The following BTBD9 variants were observed in gnomAD, a reference collection of about 807,000 sequenced individuals.
The protein encoded by BTBD9 is BTB domain containing 9, also known as BTB/POZ domain-containing protein 9.
In BTBD9, 49 loss-of-function variants were observed where a neutral mutation model predicts 64.3. That is an observed-to-expected ratio of 0.76 (90% confidence interval 0.61 to 0.97). BTBD9 has a LOEUF of 0.97. BTBD9 is among the 50% of genes least tolerant of loss of function. The pLI is 0.00. For missense variants in BTBD9, 598 were observed against 762.1 expected (o/e 0.78, Z 2.53); for synonymous variants, 260 against 274.7 (o/e 0.95, Z 0.53).
intron 6 of BTBD9, among the ~76,000 whole-genome samples, chr6:38,497,125 A>G (rs938272120): frequency 6.6e-6 from 1 of 152,184 alleles, no homozygotes; most frequent in African/African-American, 2.4e-5. Flanking sequence ...CATAAGGTAA[A>G]GGACAAAATT....
In BTBD9 at chr6:38,171,862, A is replaced by ATAAT. The variant is rs1766789225; in HGVS notation, c.*3122_*3123insATTA. ...TTCTACTCTCAAAAAAAAAAAAAAA[A>ATAAT]AAAAAAAAAAAAAAAAAAAATAATA... On this transcript the variant is annotated 3_prime_UTR_variant, in exon 11 of 11. Coordinates refer to ENST00000481247, the MANE Select transcript of BTBD9 (RefSeq NM_001099272.2). 1.3e-5 allele frequency: 1 copy of ATAAT among 78,752 alleles called. No homozygotes were observed. The highest frequency in any genetic ancestry group is 4.9e-5 in the African/African-American group (1 of 20,224). The allele number at this position is 78,752 out of a possible 1,614,324, so 4.9% of individuals were successfully genotyped here.
chr6:38,192,397 C>T (rs1348892181), intron 10 of BTBD9, 122 bp downstream of exon 10: 3 of 856,022 alleles, frequency 3.5e-6, no homozygotes, highest in Middle Eastern at 4.5e-4. Flanking sequence ...TTTCTCCACA[C>T]CAAGCTGTCT....
intron 6 of BTBD9, among the ~76,000 whole-genome samples, chr6:38,418,185 C>A (rs1767758839): frequency 6.6e-6 from 1 of 152,186 alleles, no homozygotes; most frequent in Admixed American, 6.5e-5. Context: ...ATGAGATGAG[C>A]CTTCCAAGAG....
intron 8 of BTBD9, among the ~76,000 whole-genome samples, chr6:38,280,009 A>T (rs953450128): frequency 2.0e-5 from 3 of 148,806 alleles, no homozygotes; most frequent in African/African-American, 7.4e-5. Context: ...ACACAAACAT[A>T]TTTTTTTTTT....
At chr6:38,287,382 C>A (rs1296281458) in intron 8 of BTBD9, among the ~76,000 whole-genome samples, 1 of 151,832 alleles carries the variant, frequency 6.6e-6, no homozygotes, top group Non-Finnish European at 1.5e-5. Flanking sequence ...AGCTTTCAAG[C>A]GATCCGCCCA....
rs896859352 is a variant in BTBD9 at position 38,421,127 on chromosome 6, T to C, written c.1155-76034A>G. Among the ~76,000 whole-genome samples the C allele has an allele frequency of 4.6e-5, 7 of 151,760 alleles. 1 individual carries two copies. Among genetic ancestry groups the C allele is most frequent in the African/African-American group, 1.7e-4 (7 of 41,278 alleles). ...ATCCCAACACTTTGGGAGGCCGAGGTGGATCATTTGAGGTCAGGGGTCCAA... is the reference window on the plus strand; with the variant it reads ...ATCCCAACACTTTGGGAGGCCGAGGCGGATCATTTGAGGTCAGGGGTCCAA... On this transcript the variant is annotated intron_variant, in intron 6 of 10. Coordinates refer to ENST00000481247, the MANE Select transcript of BTBD9 (RefSeq NM_001099272.2).
intron 7 of BTBD9, among the ~76,000 whole-genome samples, chr6:38,341,183 T>C (rs900009787): frequency 1.3e-5 from 2 of 152,216 alleles, no homozygotes; most frequent in Admixed American, 1.3e-4. Context: ...TCTGATTTAC[T>C]CAACCTATAA....
intron 7 of BTBD9, among the ~76,000 whole-genome samples, chr6:38,316,468 T>G (rs1335783569): frequency 6.6e-6 from 1 of 152,180 alleles, no homozygotes; most frequent in African/African-American, 2.4e-5. Flanking sequence ...ATTGTATGTT[T>G]TTAGATTTGA....
intron 7 of BTBD9, among the ~76,000 whole-genome samples, chr6:38,291,304 T>C (rs544772479): frequency 6.6e-6 from 1 of 152,358 alleles, no homozygotes; most frequent in Admixed American, 6.5e-5. Flanking sequence ...TTATCTGTTA[T>C]TGGTGTATAG....
chr6:38,354,248 ACTC>A (rs1282212419), intron 6 of BTBD9, among the ~76,000 whole-genome samples: 1 of 152,122 alleles, frequency 6.6e-6, no homozygotes, highest in Non-Finnish European at 1.5e-5. Flanking sequence ...CTTACTCTAG[ACTC>A]CTGAGAAACT....
chr6:38,534,778 C>T (rs140545562), intron 6 of BTBD9, among the ~76,000 whole-genome samples: 83 of 152,220 alleles, frequency 5.5e-4, no homozygotes, highest in African/African-American at 2.0e-3. Flanking sequence ...ACCATATGAT[C>T]ATCTCAATTG....
intron 7 of BTBD9, among the ~76,000 whole-genome samples, chr6:38,294,294 T>C (rs551456313): frequency 1.2e-3 from 177 of 152,264 alleles, no homozygotes; most frequent in African/African-American, 4.0e-3. Context: ...GAAATACCAT[T>C]TGACCCAGCC....
In BTBD9 at chr6:38,184,322, C is replaced by T. The variant is rs368885403; in HGVS notation, c.1641+8197G>A. On this transcript the variant is annotated intron_variant, in intron 10 of 10. Transcript: ENST00000481247. The surrounding 1 kb of genome is among the most constrained non-coding windows in gnomAD (Gnocchi z 4.4). The stretch of plus-strand genomic sequence containing the variant: ...CTGCCTCCTCTCTGGCCCAGTACCT[C>T]GCATGCACCATACAGGGCCTCCGTG... Among the ~76,000 whole-genome samples, 1 of 152,204 alleles carries T rather than the reference C, an allele frequency of 6.6e-6. No homozygotes were observed. The highest frequency in any genetic ancestry group is 6.5e-5 in the Admixed American group (1 of 15,280).
intron 10 of BTBD9, among the ~76,000 whole-genome samples, chr6:38,177,005 C>A (rs141170469): frequency 2.6e-4 from 39 of 152,308 alleles, no homozygotes; most frequent in South Asian, 8.3e-4. Context: ...TGCAGTATGA[C>A]CCAGAGCCAT....
chr6:38,590,434 G>C (rs573809003), intron 4 of BTBD9, among the ~76,000 whole-genome samples: 13 of 152,292 alleles, frequency 8.5e-5, no homozygotes, highest in African/African-American at 3.1e-4. Context: ...AGTCAAATTT[G>C]TCTGGGCCAA....
chr6:38,475,587 T>C lies in BTBD9; in HGVS notation c.1154+102013A>G, dbSNP rs1770842791. On this transcript the variant is annotated intron_variant, in intron 6 of 10. Coordinates refer to ENST00000481247, the MANE Select transcript of BTBD9 (RefSeq NM_001099272.2). ...CTGTCCAATTCACTGTTTTCTGGTTTTTTGTCCTTCCCCACAGCACCACGC... is the reference window on the plus strand; with the variant it reads ...CTGTCCAATTCACTGTTTTCTGGTTCTTTGTCCTTCCCCACAGCACCACGC... 1.3e-5 allele frequency among the ~76,000 whole-genome samples: 2 copies of C among 152,196 alleles called. 1 individual carries two copies.
At chr6:38,239,729 T>G (rs1207436180) in intron 9 of BTBD9, among the ~76,000 whole-genome samples, 1 of 152,186 alleles carries the variant, frequency 6.6e-6, no homozygotes, top group Non-Finnish European at 1.5e-5. Flanking sequence ...TAATCTATCT[T>G]GTGAAAAAAG....
chr6:38,515,153 C>T (rs1190814998), intron 6 of BTBD9, among the ~76,000 whole-genome samples: 2 of 152,184 alleles, frequency 1.3e-5, no homozygotes, highest in Non-Finnish European at 2.9e-5. Flanking sequence ...GATTAATCTA[C>T]AGTTACTCAG....
chr6:38,405,602 TA>T lies in BTBD9; in HGVS notation c.1155-60510del, dbSNP rs957679532. On this transcript the variant is annotated intron_variant, in intron 6 of 10. Transcript: ENST00000481247. ...TTAATCATTTTATTGGTTCTGTTGT[TA>T]AAAAAAAAAACAAACAATAACACCC... is the stretch of plus-strand genomic sequence containing the variant. Among the ~76,000 whole-genome samples the T allele has an allele frequency of 4.2e-4, 61 of 146,002 alleles. 1 individual carries two copies. Among genetic ancestry groups the T allele is most frequent in the Admixed American group, 8.9e-4 (13 of 14,528 alleles).
Sources: gnomAD v4.1 joint callset for allele counts (sites outside exome capture counted in the v4.1 genomes callset) on GRCh38, gnomAD v4.1.1 for gene constraint, Gnocchi (gnomAD v3.1) non-coding constraint, MANE v1.5 for transcripts, NCBI Gene and HGNC (gene_info 2026-07-23, HGNC 2026-07-21) for gene names.